Variants in SLC8A1 observed in about 807,000 individuals in gnomAD.
SLC8A1 encodes the protein sodium/calcium exchanger 1.
In SLC8A1, 18 loss-of-function variants were observed where a neutral mutation model predicts 68.3. That is an observed-to-expected ratio of 0.26 (90% CI 0.18 to 0.39). The LOEUF (loss-of-function observed/expected upper bound fraction) is 0.39. Among genes scored for constraint, SLC8A1 ranks in the 10% least tolerant of loss-of-function variants. The probability of loss-of-function intolerance (pLI) is 1.00; values close to 1 mark genes in which losing one functional copy is unlikely to be tolerated. For synonymous variants in SLC8A1, 475 were observed against 415.5 expected (o/e 1.14, Z -1.74); for missense variants, 985 against 1,156.7 (o/e 0.85, Z 2.15).
intron 1 of SLC8A1, among the ~76,000 whole-genome samples, chr2:40,489,648 G>C (rs1705191954): frequency 6.6e-6 from 1 of 152,042 alleles, no homozygotes; most frequent in African/African-American, 2.4e-5. Flanking sequence ...GAGAAGGAGA[G>C]AAGATAGCAG....
At chr2:40,391,340 G>C (rs1294256730) in intron 2 of SLC8A1, among the ~76,000 whole-genome samples, 1 of 151,858 alleles carries the variant, frequency 6.6e-6, no homozygotes, top group Non-Finnish European at 1.5e-5. Flanking sequence ...GGACATAAAG[G>C]GATTTGAATA....
chr2:40,323,835 A>T (rs1282187267), intron 2 of SLC8A1, among the ~76,000 whole-genome samples: 1 of 152,136 alleles, frequency 6.6e-6, no homozygotes, highest in Non-Finnish European at 1.5e-5. Context: ...GTCTCTTATC[A>T]AGGTATCTAT....
At chr2:40,133,421 T>C (rs927960101) in intron 7 of SLC8A1, among the ~76,000 whole-genome samples, 5 of 150,798 alleles carry the variant, frequency 3.3e-5, no homozygotes, top group Admixed American at 6.6e-5. Context: ...ACCAAAACCA[T>C]CTATTTCCTT....
At chr2:40,315,546 G>C (rs1302784494) in intron 2 of SLC8A1, among the ~76,000 whole-genome samples, 2 of 150,648 alleles carry the variant, frequency 1.3e-5, no homozygotes, top group Non-Finnish European at 3.0e-5. Flanking sequence ...CGTTTAAAAA[G>C]GGAAAAAGAA....
At chr2:40,372,024 T>C (rs1678264501) in intron 2 of SLC8A1, among the ~76,000 whole-genome samples, 1 of 152,124 alleles carries the variant, frequency 6.6e-6, no homozygotes, top group African/African-American at 2.4e-5. Flanking sequence ...TGAAATGCTT[T>C]TCCAAGGGAC....
At chr2:40,257,435 T>C (rs2064098139) in intron 2 of SLC8A1, among the ~76,000 whole-genome samples, 1 of 152,060 alleles carries the variant, frequency 6.6e-6, no homozygotes, top group African/African-American at 2.4e-5. Context: ...TTTTTTTTTT[T>C]TGACCTTTCC....
chr2:40,290,612 G>T (rs765507216), intron 2 of SLC8A1, among the ~76,000 whole-genome samples: 2 of 152,048 alleles, frequency 1.3e-5, no homozygotes, highest in Non-Finnish European at 2.9e-5. Flanking sequence ...GAAGAAAAAT[G>T]GATATTTTAA....
intron 6 of SLC8A1, among the ~76,000 whole-genome samples, chr2:40,160,104 C>T (rs1443598263): frequency 2.6e-5 from 4 of 152,110 alleles, no homozygotes; most frequent in Admixed American, 6.6e-5. Context: ...TTTCCTGTAT[C>T]GTTATACAAT....
intron 1 of SLC8A1, among the ~76,000 whole-genome samples, chr2:40,449,248 T>C (rs1702006136): frequency 6.6e-6 from 1 of 152,050 alleles, no homozygotes; most frequent in South Asian, 2.1e-4. Context: ...ATCTATGAGC[T>C]AAATGAATGC....
intron 2 of SLC8A1, among the ~76,000 whole-genome samples, chr2:40,211,624 C>G (rs796256374): frequency 6.6e-5 from 10 of 152,238 alleles, no homozygotes; most frequent in African/African-American, 2.2e-4. Context: ...GCAGCAGACC[C>G]TGTGAAGTTA....
intron 2 of SLC8A1, among the ~76,000 whole-genome samples, chr2:40,420,222 TAATA>T (rs1695103498): frequency 6.6e-6 from 1 of 152,166 alleles, no homozygotes; most frequent in Non-Finnish European, 1.5e-5. Flanking sequence ...GAAAGTCTCC[TAATA>T]AATAATTCTT....
chr2:40,123,495 AAAG>A lies in SLC8A1; in HGVS notation c.2438-7869_2438-7867del, dbSNP rs1168012358. Among the ~76,000 whole-genome samples the A allele has an allele frequency of 3.3e-5, 5 of 152,190 alleles. No individual in the cohort carries two copies. The East Asian group carries it at 9.6e-4, about 29-fold the overall frequency. ...ACACTCACTTCACTGGTTCATGTAA[AAAG>A]AATCCTCATTTGGCTTCCAAATGAT... is the stretch of plus-strand genomic sequence containing the variant. On this transcript the variant is annotated intron_variant, in intron 7 of 7. Transcript: ENST00000406785.
chr2:40,317,148 G>A (rs768348328), intron 2 of SLC8A1, among the ~76,000 whole-genome samples: 20 of 151,966 alleles, frequency 1.3e-4, no homozygotes, highest in African/African-American at 3.4e-4. Flanking sequence ...CTTCTTTGAA[G>A]GTATCCTTGG....
chr2:40,161,984 C>T (rs2045766511), intron 5 of SLC8A1, among the ~76,000 whole-genome samples: 1 of 152,084 alleles, frequency 6.6e-6, no homozygotes, highest in Non-Finnish European at 1.5e-5. Context: ...GTATTAAAGG[C>T]CAAAACCAAA....
chr2:40,508,046 GC>G (rs992617314), intron 1 of SLC8A1, among the ~76,000 whole-genome samples: 12 of 152,166 alleles, frequency 7.9e-5, no homozygotes, highest in Admixed American at 3.9e-4. Context: ...TTCAACAATA[GC>G]TTGCAATTGG....
intron 1 of SLC8A1, among the ~76,000 whole-genome samples, chr2:40,459,403 T>C (rs1407500422): frequency 6.6e-6 from 1 of 152,136 alleles, no homozygotes; most frequent in African/African-American, 2.4e-5. Context: ...TTCTGCCCTG[T>C]ACTGAGTTTT....
chr2:40,363,288 G>A (rs892473151), intron 2 of SLC8A1, among the ~76,000 whole-genome samples: 1 of 152,018 alleles, frequency 6.6e-6, no homozygotes, highest in Non-Finnish European at 1.5e-5. Flanking sequence ...ATAATAAAAA[G>A]TGCCTCCTCT....
chr2:40,316,174 A>G (rs1185221338), intron 2 of SLC8A1, among the ~76,000 whole-genome samples: 1 of 152,076 alleles, frequency 6.6e-6, no homozygotes, highest in African/African-American at 2.4e-5. Flanking sequence ...ATGATCAGTA[A>G]AAACCTATTT....
intron 2 of SLC8A1, among the ~76,000 whole-genome samples, chr2:40,283,398 T>A (rs1319857722): frequency 6.6e-6 from 1 of 152,174 alleles, no homozygotes; most frequent in East Asian, 1.9e-4. Context: ...TAAAAGAGAA[T>A]AACGAACAGT....
Sources: allele counts gnomAD v4.1 joint callset (sites outside exome capture counted in the v4.1 genomes callset), GRCh38; gene constraint gnomAD v4.1.1; transcripts MANE v1.5; gene names NCBI Gene and HGNC (gene_info 2026-07-23, HGNC 2026-07-21).